Variants in CYP3A7 observed in about 807,000 individuals in gnomAD.
The protein encoded by CYP3A7 is cytochrome P450 family 3 subfamily A member 7.
Under a neutral mutation model 55.2 loss-of-function variants are expected in CYP3A7, and 45 were observed. The ratio of observed to expected loss-of-function variants is 0.82; its 90% confidence interval spans 0.64 to 1.05. The LOEUF (loss-of-function observed/expected upper bound fraction) is 1.05, where lower values mean the gene tolerates loss of function less well. Among genes scored for constraint, CYP3A7 ranks in the 50% least tolerant of loss-of-function variants. The probability of loss-of-function intolerance (pLI) is 0.00; values close to 1 mark genes in which losing one functional copy is unlikely to be tolerated. For synonymous variants in CYP3A7, 180 were observed against 207.4 expected, an observed-to-expected ratio of 0.87 and a Z score of 1.13; for missense variants, 548 against 605.3, an observed-to-expected ratio of 0.91 and a Z score of 0.99.
chr7:99,717,327 T>C (rs1256453353), intron 5 of CYP3A7, 62 bp from the exon 6 acceptor site: 3 of 1,612,536 alleles, frequency 1.9e-6, no homozygotes, highest in Non-Finnish European at 2.5e-6. Flanking sequence ...CAGAAGGACA[T>C]GACTTTGCCT....
intron 2 of CYP3A7, among the ~76,000 whole-genome samples, chr7:99,728,926 C>T (rs192000587): frequency 1.3e-5 from 2 of 152,296 alleles, no homozygotes; most frequent in East Asian, 1.9e-4. Context: ...TAGCCCTAGT[C>T]GTCCTCCAAC....
chr7:99,720,390 T>C lies in CYP3A7; in HGVS notation c.241A>G (p.Met81Val). 1 of 1,613,742 alleles carries C rather than the reference T, an allele frequency of 6.2e-7. No individual in the cohort carries two copies. Among genetic ancestry groups the C allele is most frequent in the South Asian group, 1.1e-5 (1 of 91,072 alleles). ...VWGIYDCQQP[M>V]LAITDPDMIK... ...ATGTCGGGATCTGTGATAGCCAGCATAGGCTGTTGACAGTCATAAATACTG... is the reference window on the plus strand; with the variant it reads ...ATGTCGGGATCTGTGATAGCCAGCACAGGCTGTTGACAGTCATAAATACTG... Residue 81 changes from methionine (M) to valine (V), a missense_variant, in exon 4 of 13, where the codon ATG (methionine) becomes GTG (valine). Coordinates refer to ENST00000336374, the MANE Select transcript of CYP3A7 (RefSeq NM_000765.5).
intron 10 of CYP3A7, 74 bp downstream of exon 10, chr7:99,710,658 C>T: frequency 6.2e-7 from 1 of 1,609,938 alleles, no homozygotes; most frequent in South Asian, 1.1e-5. Flanking sequence ...TAAAAATTCT[C>T]CTGGGAAGTG....
chr7:99,705,525 C>T lies in CYP3A7; in HGVS notation c.1487G>A (p.Arg496Lys). Residue 496 changes from arginine (R) to lysine (K), a missense_variant, in exon 13 of 13, where the codon AGG (arginine) becomes AAG (lysine). By Grantham distance (26) the Arg-to-Lys change is conservative. Transcript: ENST00000336374. The part of the protein sequence containing the change: ...EKPIVLKAES[R>K]DETVSGA ...TCAGGCTCCACTTACGGTCTCATCC[C>T]TTGACTCAGCCTTTAGAACAATGGG... The T allele has an allele frequency of 1.2e-6, 2 of 1,613,586 alleles. No individual in the cohort carries two copies. Among genetic ancestry groups the T allele is most frequent in the Non-Finnish European group, 1.7e-6 (2 of 1,179,614 alleles).
At chr7:99,708,057 C>T in intron 11 of CYP3A7, 83 bp from the exon 12 acceptor site, 1 of 1,590,254 alleles carries the variant, frequency 6.3e-7, no homozygotes, top group Non-Finnish European at 8.6e-7. Context: ...TACTTAGGGC[C>T]CACCCCTCTA....
At chr7:99,723,764 C>T (rs1460294174) in intron 2 of CYP3A7, among the ~76,000 whole-genome samples, 1 of 152,188 alleles carries the variant, frequency 6.6e-6, no homozygotes, top group African/African-American at 2.4e-5. Context: ...TATCCCTCCA[C>T]CCTTCAATCT....
chr7:99,724,040 T>C (rs531867643), intron 2 of CYP3A7, among the ~76,000 whole-genome samples: 4 of 151,926 alleles, frequency 2.6e-5, no homozygotes, highest in South Asian at 2.1e-4. Context: ...GGGTGGCAAG[T>C]ACCACCTTCC....
At position 99,713,656 on chromosome 7, in the gene CYP3A7, T is replaced by G. The variant is rs528592515; in HGVS notation, c.799-121A>C. 3.7e-6 allele frequency: 5 copies of G among 1,354,682 alleles called. No individual in the cohort carries two copies. In the East Asian group the frequency reaches 7.2e-5, roughly 20 times the overall value. 83.9% of individuals were successfully genotyped at this position (1,354,682 alleles called of 1,614,324 possible). ...AGCCCCTTGGAGACCAGAAATCTGA[T>G]GGGTGTTGCCTGAGTCACCAGTGAA... is the stretch of plus-strand genomic sequence containing the variant. On this transcript the variant is annotated intron_variant, in intron 8 of 12. Transcript: ENST00000336374.
In CYP3A7 at chr7:99,708,056, C is replaced by A. The variant is rs113497894; in HGVS notation, c.1254-82G>T. ...ACATGTTAGGGTTTCTTACTTAGGG[C>A]CCACCCCTCTACTAGCAGTACACAG... On this transcript the variant is annotated intron_variant, in intron 11 of 12. Transcript: ENST00000336374. The A allele has an allele frequency of 3.4e-5, 54 of 1,590,680 alleles. No individual in the cohort carries two copies. In the African/African-American group the frequency reaches 4.4e-4, roughly 13 times the overall value.
chr7:99,705,321 A>G lies in CYP3A7; in HGVS notation c.*179T>C, dbSNP rs542267052. The G allele has an allele frequency of 2.9e-6, 2 of 682,854 alleles. No homozygotes were observed. Among genetic ancestry groups the G allele is most frequent in the Admixed American group, 2.7e-5 (1 of 36,764 alleles). The allele number at this position is 682,854 out of a possible 1,614,324, so 42.3% of individuals were successfully genotyped here. On this transcript the variant is annotated 3_prime_UTR_variant, in exon 13 of 13. Coordinates refer to ENST00000336374, the MANE Select transcript of CYP3A7 (RefSeq NM_000765.5). ...GGTCATCTCCTCTATATTACCAAGT[A>G]TAACACTCTATACAGACCATGAGAG...
intron 9 of CYP3A7, among the ~76,000 whole-genome samples, chr7:99,712,134 G>T (rs1281392030): frequency 1.3e-5 from 2 of 152,138 alleles, no homozygotes; most frequent in Admixed American, 1.3e-4. Context: ...TGGTCTGTTT[G>T]ATCAGGACTG....
At chr7:99,722,012 A>C (rs1231138597) in intron 3 of CYP3A7, among the ~76,000 whole-genome samples, 2 of 152,330 alleles carry the variant, frequency 1.3e-5, no homozygotes, top group South Asian at 2.1e-4. Context: ...GTGAAGGAGA[A>C]CTATTTCAAA....
intron 8 of CYP3A7, among the ~76,000 whole-genome samples, chr7:99,713,887 G>C (rs1249790693): frequency 2.0e-5 from 3 of 152,234 alleles, no homozygotes; most frequent in East Asian, 3.9e-4. Flanking sequence ...CAGCAGCTTT[G>C]GTGGGAGCAC....
chr7:99,712,780 G>T (rs1255126285), intron 9 of CYP3A7, among the ~76,000 whole-genome samples: 1 of 152,148 alleles, frequency 6.6e-6, no homozygotes, highest in Non-Finnish European at 1.5e-5. Context: ...TGACATGATT[G>T]CCAAATCTTG....
chr7:99,729,749 A>G (rs1457911044), intron 2 of CYP3A7, among the ~76,000 whole-genome samples: 1 of 152,142 alleles, frequency 6.6e-6, no homozygotes, highest in African/African-American at 2.4e-5. Context: ...TCCACTGCTG[A>G]CAATGGATAA....
intron 1 of CYP3A7, among the ~76,000 whole-genome samples, chr7:99,731,518 GGGATTCTCATCCTA>G (rs1814618959): frequency 1.3e-5 from 2 of 152,136 alleles, no homozygotes; most frequent in African/African-American, 4.8e-5. Flanking sequence ...CCCTGATTTT[GGGATTCTCATCCTA>G]GGTAGAAAGA....
chr7:99,718,244 C>T (rs1814048860), intron 4 of CYP3A7, among the ~76,000 whole-genome samples: 1 of 151,984 alleles, frequency 6.6e-6, no homozygotes, highest in Non-Finnish European at 1.5e-5. Context: ...GCACGTTGTG[C>T]ACATGTACCC....
intron 6 of CYP3A7, 21 bp from the exon 7 acceptor site, chr7:99,715,927 A>G (rs1343270025): frequency 7.4e-6 from 12 of 1,613,200 alleles, no homozygotes; most frequent in Non-Finnish European, 1.0e-5. Flanking sequence ...AAAGATGTGG[A>G]AAATTAAAAT....
rs934223650 is a variant in CYP3A7 at position 99,705,316 on chromosome 7, C to G, written c.*184G>C. On this transcript the variant is annotated 3_prime_UTR_variant, in exon 13 of 13. Transcript: ENST00000336374. ...GATTTGGTCATCTCCTCTATATTAC[C>G]AAGTATAACACTCTATACAGACCAT... 1.5e-6 allele frequency: 1 copy of G among 651,998 alleles called. No individual in the cohort carries two copies. The highest frequency in any genetic ancestry group is 1.8e-5 in the African/African-American group (1 of 54,254). The allele number at this position is 651,998 out of a possible 1,614,324, so 40.4% of individuals were successfully genotyped here.
Sources: allele counts gnomAD v4.1 joint callset (sites outside exome capture counted in the v4.1 genomes callset), GRCh38; gene constraint gnomAD v4.1.1; transcripts MANE v1.5; gene names NCBI Gene and HGNC (gene_info 2026-07-23, HGNC 2026-07-21).